PIK3R5: variants seen among roughly 807,000 people sequenced by gnomAD.
PIK3R5 encodes phosphoinositide-3-kinase regulatory subunit 5.
In PIK3R5, 32 loss-of-function variants were observed where a neutral mutation model predicts 94.9. The ratio of observed to expected loss-of-function variants is 0.34; its 90% CI spans 0.25 to 0.45. The LOEUF (loss-of-function observed/expected upper bound fraction) is 0.45. Among genes scored for constraint, PIK3R5 ranks in the 20% least tolerant of loss-of-function variants. The probability of loss-of-function intolerance (pLI) is 1.00; values close to 1 mark genes in which losing one functional copy is unlikely to be tolerated. For synonymous variants in PIK3R5, 443 were observed against 479.4 expected, an observed-to-expected ratio of 0.92 and a Z score of 0.99; for missense variants, 853 against 1,144.6, an observed-to-expected ratio of 0.75 and a Z score of 3.68.
At chr17:8,947,350 G>A (rs1333165706) in intron 1 of PIK3R5, among the ~76,000 whole-genome samples, 1 of 152,214 alleles carries the variant, frequency 6.6e-6, no homozygotes, top group African/African-American at 2.4e-5. Context: ...AACAATGAAA[G>A]CTTTGTGAAA....
At chr17:8,913,181 G>A (rs1597397900) in intron 1 of PIK3R5, among the ~76,000 whole-genome samples, 1 of 152,354 alleles carries the variant, frequency 6.6e-6, no homozygotes, top group East Asian at 1.9e-4. Context: ...GGTCAGGGAG[G>A]CCTCTCTGAA....
Position 8,881,616 on chromosome 17 carries a change from A to C in PIK3R5, c.2382+14T>G. On this transcript the variant is annotated intron_variant, in intron 17 of 18. Coordinates refer to ENST00000447110, the MANE Select transcript of PIK3R5 (RefSeq NM_001142633.3). The surrounding 1 kb of genome is among the most constrained non-coding windows in gnomAD (Gnocchi z 4.8). ...CTCTTGAGGGTATGGCTGGAAGGAGAGGGAAGCCCGTACCTGGTTAAAGCC... is the reference window on the plus strand; with the variant it reads ...CTCTTGAGGGTATGGCTGGAAGGAGCGGGAAGCCCGTACCTGGTTAAAGCC... 1 of 1,603,634 alleles carries C rather than the reference A, an allele frequency of 6.2e-7. No homozygotes were observed. Among genetic ancestry groups the C allele is most frequent in the Non-Finnish European group, 8.5e-7 (1 of 1,173,232 alleles).
At chr17:8,954,456 AC>A (rs1163509335) in intron 1 of PIK3R5, among the ~76,000 whole-genome samples, 1 of 152,192 alleles carries the variant, frequency 6.6e-6, no homozygotes, top group Non-Finnish European at 1.5e-5. Context: ...ACAGCCTGGC[AC>A]GGGCGGGACA....
At chr17:8,948,208 C>T (rs998736381) in intron 1 of PIK3R5, among the ~76,000 whole-genome samples, 6 of 152,118 alleles carry the variant, frequency 3.9e-5, no homozygotes, top group East Asian at 1.9e-4. Flanking sequence ...AAATGCGCTC[C>T]TATGTTGCCT....
chr17:8,917,170 A>G (rs2090647037), intron 1 of PIK3R5, among the ~76,000 whole-genome samples: 1 of 152,168 alleles, frequency 6.6e-6, no homozygotes, highest in South Asian at 2.1e-4. Flanking sequence ...GTTAGTTACT[A>G]TGGGAGGTGG....
intron 5 of PIK3R5, among the ~76,000 whole-genome samples, chr17:8,895,834 G>C: frequency 6.6e-6 from 1 of 152,288 alleles, no homozygotes. Context: ...CAGAGAGAGT[G>C]ATTTTCAGAG....
At chr17:8,902,567 T>C (rs1263031361) in intron 5 of PIK3R5, among the ~76,000 whole-genome samples, 2 of 152,094 alleles carry the variant, frequency 1.3e-5, no homozygotes, top group Non-Finnish European at 2.9e-5. Context: ...TATTAATTTT[T>C]ATTGCAAATA....
intron 1 of PIK3R5, among the ~76,000 whole-genome samples, chr17:8,936,270 A>T (rs1399734566): frequency 2.6e-5 from 4 of 152,212 alleles, no homozygotes; most frequent in African/African-American, 7.2e-5. Context: ...ATACAAGAGT[A>T]GTCACTGAAG....
chr17:8,947,163 C>G (rs545739610), intron 1 of PIK3R5, among the ~76,000 whole-genome samples: 3 of 150,094 alleles, frequency 2.0e-5, no homozygotes, highest in Admixed American at 6.6e-5. Flanking sequence ...AAAAATGAAC[C>G]TAGAGCCAAG....
chr17:8,948,711 C>T (rs768965121), intron 1 of PIK3R5, among the ~76,000 whole-genome samples: 5 of 152,148 alleles, frequency 3.3e-5, no homozygotes, highest in South Asian at 2.1e-4. Context: ...ACGGCTGCTG[C>T]GGGGAATGTA....
At chr17:8,897,945 T>TG (rs1176832085) in intron 5 of PIK3R5, among the ~76,000 whole-genome samples, 2 of 147,292 alleles carry the variant, frequency 1.4e-5, no homozygotes, top group African/African-American at 2.4e-5. Flanking sequence ...GTGTGTGTGG[T>TG]GTGTGTGTCT....
rs900596985 is a variant in PIK3R5 at position 8,911,137 on chromosome 17, A to G, written c.103+255T>C. 6.6e-6 allele frequency among the ~76,000 whole-genome samples: 1 copy of G among 152,214 alleles called. No homozygotes were observed. Among genetic ancestry groups the G allele is most frequent in the African/African-American group, 2.4e-5 (1 of 41,442 alleles). On this transcript the variant is annotated intron_variant, in intron 2 of 18. Coordinates refer to ENST00000447110, the MANE Select transcript of PIK3R5 (RefSeq NM_001142633.3). The surrounding 1 kb of genome is among the most constrained non-coding windows in gnomAD (Gnocchi z 5.3). ...CTAAGCAGATTCGATGGATTCTTCC[A>G]GAAGTAAAAGGCAGCCAGCCCTGAG...
rs913067179 is a variant in PIK3R5 at position 8,880,953 on chromosome 17, G to A, written c.2447C>T (p.Ala816Val). The change falls in exon 18 of 19, where the codon GCT becomes GTT. Residue 816 changes from alanine (A) to valine (V), a missense_variant. This residue lies in a region of PIK3R5 where 91 missense variants were observed against 90.5 expected (regional missense o/e 1.01). Transcript: ENST00000447110. ...QIIGSNSCPF[A>V]VCLDQDERKI... ...TCTCTCATCCTGGTCCAGGCACACA[G>A]CAAAGGGGCAGCTGTTGGAGCCGAT... 1.2e-6 allele frequency: 2 copies of A among 1,614,120 alleles called. No individual in the cohort carries two copies. Among genetic ancestry groups the A allele is most frequent in the Non-Finnish European group, 1.7e-6 (2 of 1,179,992 alleles).
Position 8,947,672 on chromosome 17 carries a change from G to A in PIK3R5, c.-14+17924C>T, listed in dbSNP as rs979454140. 5.3e-5 allele frequency among the ~76,000 whole-genome samples: 8 copies of A among 152,284 alleles called. No individual in the cohort carries two copies. The South Asian group carries it at 8.3e-4, about 16-fold the overall frequency. ...GCCAGTGTGACTTCCTGGGGCATAC[G>A]TCAAGATGGAATCAAGGTCCCCAAG... On this transcript the variant is annotated intron_variant, in intron 1 of 18. Transcript: ENST00000447110.
chr17:8,961,904 C>T (rs1387518304), intron 1 of PIK3R5, among the ~76,000 whole-genome samples: 1 of 152,202 alleles, frequency 6.6e-6, no homozygotes, highest in African/African-American at 2.4e-5. Context: ...GTAGCTGTGA[C>T]TCACTTATCT....
At chr17:8,901,620 T>G (rs2090284226) in intron 5 of PIK3R5, among the ~76,000 whole-genome samples, 1 of 152,152 alleles carries the variant, frequency 6.6e-6, no homozygotes, top group Non-Finnish European at 1.5e-5. Context: ...AAGGTGAGAA[T>G]TAAACGCTGC....
rs1013828763 is a variant in PIK3R5, at chr17:8,904,069, A to G, written c.412+708T>C. Among the ~76,000 whole-genome samples the G allele has an allele frequency of 1.9e-4, 29 of 152,228 alleles. No homozygotes were observed. Among genetic ancestry groups the G allele is most frequent in the African/African-American group, 7.0e-4 (29 of 41,464 alleles). ...GGGGTTTTGAATATCAGGAATGATGATGAATTTTATGAAATATTTTAGAGG... is the reference window on the plus strand; with the variant it reads ...GGGGTTTTGAATATCAGGAATGATGGTGAATTTTATGAAATATTTTAGAGG... On this transcript the variant is annotated intron_variant, in intron 5 of 18. Coordinates refer to ENST00000447110, the MANE Select transcript of PIK3R5 (RefSeq NM_001142633.3). This position sits in a 1 kb window ranked among gnomAD's most constrained non-coding sequence, Gnocchi z 5.1.
chr17:8,888,047 T>TAAA lies in PIK3R5; in HGVS notation c.1616+121_1616+123dup, dbSNP rs1168113436. 386 of 304,498 alleles carry TAAA rather than the reference T, an allele frequency of 1.3e-3. 1 individual carries two copies. The highest frequency in any genetic ancestry group is 3.9e-3 in the African/African-American group (162 of 41,332). The allele number at this position is 304,498 out of a possible 1,614,324, so 18.9% of individuals were successfully genotyped here. ...ATAATAATAATAATAATAATAATAA[T>TAAA]AAAATAAAAATAAATAAGGGAACTT... On this transcript the variant is annotated intron_variant, in intron 10 of 18. Coordinates refer to ENST00000447110, the MANE Select transcript of PIK3R5 (RefSeq NM_001142633.3). This position sits in a 1 kb window ranked among gnomAD's most constrained non-coding sequence, Gnocchi z 7.8.
At chr17:8,932,387 A>G (rs540716718) in intron 1 of PIK3R5, among the ~76,000 whole-genome samples, 1 of 152,226 alleles carries the variant, frequency 6.6e-6, no homozygotes, top group East Asian at 1.9e-4. Context: ...GGCATGCACT[A>G]CCATGCCCAG....
Sources: allele counts gnomAD v4.1 joint callset (sites outside exome capture counted in the v4.1 genomes callset), GRCh38; gene constraint gnomAD v4.1.1; regional missense constraint gnomAD v4.1.1; non-coding constraint Gnocchi (gnomAD v3.1); transcripts MANE v1.5; gene names NCBI Gene and HGNC (gene_info 2026-07-23, HGNC 2026-07-21).